MDN1: variants seen among roughly 807,000 people sequenced by gnomAD.
MDN1 encodes the protein midasin AAA ATPase 1.
MDN1 carries 266 observed loss-of-function variants against 669.2 expected under a neutral mutation model. The observed-to-expected ratio is 0.40, with a 90% CI of 0.36 to 0.44. MDN1 has a LOEUF of 0.44. Ranked by LOEUF, MDN1 falls within the 20% of genes least tolerant of loss-of-function variation. The probability of loss-of-function intolerance (pLI) is 1.00; values close to 1 mark genes in which losing one functional copy is unlikely to be tolerated. For missense variants in MDN1, 5,940 were observed against 6,754.0 expected (o/e 0.88, Z 4.22); for synonymous variants, 2,385 against 2,457.1 (o/e 0.97, Z 0.87).
At chr6:89,685,079 T>C in intron 70 of MDN1, 94 bp from the exon 71 acceptor site, 1 of 722,144 alleles carries the variant, frequency 1.4e-6, no homozygotes, top group Non-Finnish European at 2.3e-6. Context: ...TGACCCTTCC[T>C]CATTACTCTC....
chr6:89,762,572 G>A, intron 15 of MDN1, 42 bp from the exon 16 acceptor site: 1 of 1,422,630 alleles, frequency 7.0e-7, no homozygotes, highest in Non-Finnish European at 9.7e-7. Context: ...AACTTCTGAA[G>A]TTAACAGAAG....
intron 1 of MDN1, among the ~76,000 whole-genome samples, chr6:89,810,745 T>A (rs556661168): frequency 6.6e-6 from 1 of 152,012 alleles, no homozygotes; most frequent in East Asian, 2.0e-4. Flanking sequence ...CGGCTGTAAT[T>A]CCAGCACTCT....
Position 89,749,601 on chromosome 6 carries a change from T to C in MDN1, c.3557A>G (p.His1186Arg). 6.2e-7 allele frequency: 1 copy of C among 1,614,060 alleles called. No homozygotes were observed. Among genetic ancestry groups the C allele is most frequent in the Non-Finnish European group, 8.5e-7 (1 of 1,180,004 alleles). ...VTETQEVVKA[H>R]PRFMLFATQN... ...GGTGGCAAAAAGCATAAACCGAGGG[T>C]GTGCTTTAACAACTTCCTGTGTTTC... Residue 1186 changes from histidine (H) to arginine (R), a missense_variant, in exon 25 of 102, where the codon CAC becomes CGC. By Grantham distance (29) the His-to-Arg change is conservative (BLOSUM62 0). This residue lies in a region of MDN1 where 2,292 missense variants were observed against 2,638.3 expected (regional missense o/e 0.87). Coordinates refer to ENST00000369393, the MANE Select transcript of MDN1 (RefSeq NM_014611.3).
intron 55 of MDN1, among the ~76,000 whole-genome samples, chr6:89,701,259 C>G (rs145140587): frequency 8.5e-5 from 13 of 152,266 alleles, no homozygotes; most frequent in Admixed American, 8.5e-4. Context: ...ACAGTATAAT[C>G]ACTATTTACA....
intron 83 of MDN1, among the ~76,000 whole-genome samples, chr6:89,668,949 T>C (rs184284222): frequency 1.2e-3 from 184 of 152,352 alleles, no homozygotes; most frequent in Admixed American, 3.1e-3. Context: ...AGAATGTTGA[T>C]AGGAAAATAC....
chr6:89,795,886 C>T (rs1338803938), intron 2 of MDN1, among the ~76,000 whole-genome samples: 4 of 151,912 alleles, frequency 2.6e-5, no homozygotes, highest in African/African-American at 7.3e-5. Context: ...ACCCGGGAAG[C>T]GGAGGTTGCA....
intron 33 of MDN1, among the ~76,000 whole-genome samples, chr6:89,735,564 C>T (rs1815915956): frequency 6.6e-6 from 1 of 151,778 alleles, no homozygotes; most frequent in Non-Finnish European, 1.5e-5. Context: ...TTTGGTCATA[C>T]TGTGAATATA....
chr6:89,756,218 A>C, intron 20 of MDN1, 59 bp downstream of exon 20: 1 of 756,150 alleles, frequency 1.3e-6, no homozygotes, highest in Non-Finnish European at 2.1e-6. Context: ...TGTGTGCACG[A>C]GTAGCACATT....
intron 5 of MDN1, among the ~76,000 whole-genome samples, 157 bp from the exon 6 acceptor site, chr6:89,790,558 T>G (rs188732348): frequency 2.0e-5 from 3 of 152,068 alleles, no homozygotes; most frequent in African/African-American, 7.2e-5. Context: ...CATCTAAAGA[T>G]CTCATGGGCA....
chr6:89,657,556 G>C (rs530778555), intron 90 of MDN1, among the ~76,000 whole-genome samples: 1 of 152,326 alleles, frequency 6.6e-6, no homozygotes, highest in African/African-American at 2.4e-5. Flanking sequence ...ACCGTTAAAG[G>C]TATACATTGC....
chr6:89,670,166 ATATATTTTTTTT>A, intron 83 of MDN1, among the ~76,000 whole-genome samples: 1 of 17,718 alleles, frequency 5.6e-5, no homozygotes, highest in South Asian at 2.8e-3. Flanking sequence ...ATATATATAT[ATATATTTTTTTT>A]TTTTTTTTTT....
At chr6:89,730,014 A>G (rs940010812) in intron 35 of MDN1, among the ~76,000 whole-genome samples, 5 of 152,226 alleles carry the variant, frequency 3.3e-5, no homozygotes, top group African/African-American at 1.2e-4. Context: ...GCATTCATCA[A>G]TCATTAACAT....
In MDN1 at chr6:89,670,170, A is replaced by ATTTTT. The variant is rs766450069; in HGVS notation, c.13956+744_13956+748dup. 6.6e-3 allele frequency among the ~76,000 whole-genome samples: 153 copies of ATTTTT among 23,342 alleles called. 3 individuals are homozygous for ATTTTT. The highest frequency in any genetic ancestry group is 9.3e-3 in the South Asian group (4 of 428). The allele number at this position is 23,342 out of a possible 152,430, so 15.3% of individuals were successfully genotyped here. A position where few individuals can be genotyped will look rare whatever the true frequency, so the allele number is the denominator to read the frequency against. ...TATATATATATATATATATATATAT[A>ATTTTT]TTTTTTTTTTTTTTTTTTTTGAGAT... On this transcript the variant is annotated intron_variant, in intron 83 of 101. Coordinates refer to ENST00000369393, the MANE Select transcript of MDN1 (RefSeq NM_014611.3).
In MDN1 at chr6:89,658,300, G is replaced by A; in HGVS notation, c.15092C>T (p.Ala5031Val). ...VPEALERKEHASCGQTGVENM... is the reference protein window; with the variant it reads ...VPEALERKEHVSCGQTGVENM... Reference sequence around the variant, plus strand: ...CTCCACACCAGTCTGCCCACAGGAGGCATGCTCCTTCCTCTCCAAAGCCTC... The same window carrying A: ...CTCCACACCAGTCTGCCCACAGGAGACATGCTCCTTCCTCTCCAAAGCCTC... The change falls in exon 90 of 102, where the codon GCC (alanine) becomes GTC (valine). Residue 5031 changes from alanine to valine, a missense_variant. Physicochemically the swap from Ala to Val is moderately conservative, Grantham distance 64 (BLOSUM62 0). Around this residue, in one of 5 missense-constraint regions of MDN1, gnomAD observed 2,280 missense variants for 2,576.3 expected, o/e 0.88. Transcript: ENST00000369393. 1 of 1,614,142 alleles carries A rather than the reference G, an allele frequency of 6.2e-7. No individual in the cohort carries two copies. Among genetic ancestry groups the A allele is most frequent in the Non-Finnish European group, 8.5e-7 (1 of 1,180,002 alleles).
At chr6:89,694,244 A>T in intron 61 of MDN1, 61 bp from the exon 62 acceptor site, 1 of 1,400,968 alleles carries the variant, frequency 7.1e-7, no homozygotes, top group South Asian at 1.2e-5. Flanking sequence ...ACATGAGGAC[A>T]ATGTCCTGGG....
intron 38 of MDN1, among the ~76,000 whole-genome samples, chr6:89,724,118 G>A (rs1815035002): frequency 1.3e-5 from 2 of 151,718 alleles, no homozygotes; most frequent in Admixed American, 6.6e-5. Context: ...ACTCCAGCCT[G>A]GGCGACAGAG....
chr6:89,766,206 G>T (rs1817792437), intron 15 of MDN1, among the ~76,000 whole-genome samples: 1 of 152,024 alleles, frequency 6.6e-6, no homozygotes, highest in Non-Finnish European at 1.5e-5. Context: ...GGCTGAGGGA[G>T]AAGAATCGCT....
At position 89,712,050 on chromosome 6, in the gene MDN1, A is replaced by G. The variant is rs112578769; in HGVS notation, c.7637T>C (p.Ile2546Thr). The G allele has an allele frequency of 1.9e-6, 3 of 1,613,824 alleles. No homozygotes were observed. Among genetic ancestry groups the G allele is most frequent in the African/African-American group, 2.7e-5 (2 of 75,048 alleles). Residue 2546 changes from isoleucine to threonine, a missense_variant, in exon 49 of 102, where the codon ATA becomes ACA. Ile to Thr is a moderately conservative substitution (Grantham distance 89, BLOSUM62 -1). Transcript: ENST00000369393. ...VKWLYHLAKN[I>T]PQGLESIQIH... is the part of the protein sequence containing the mutation. Reference sequence around the variant, plus strand: ...GTTCTACTCACCAAGCCCCTGCGGTATATTCTTGGCTAAATGATAAAGCCA... The same window carrying G: ...GTTCTACTCACCAAGCCCCTGCGGTGTATTCTTGGCTAAATGATAAAGCCA...
intron 15 of MDN1, among the ~76,000 whole-genome samples, chr6:89,764,811 C>T (rs1343202453): frequency 6.6e-6 from 1 of 152,182 alleles, no homozygotes; most frequent in Non-Finnish European, 1.5e-5. Flanking sequence ...AGAGAAGTAC[C>T]ACTGTCAGAT....
Sources: gnomAD v4.1 joint callset for allele counts (sites outside exome capture counted in the v4.1 genomes callset) on GRCh38, gnomAD v4.1.1 for gene constraint, gnomAD v4.1.1 regional missense constraint, MANE v1.5 for transcripts, NCBI Gene and HGNC (gene_info 2026-07-23, HGNC 2026-07-21) for gene names.